Variants in PCSK6 observed in about 807,000 individuals in gnomAD.
PCSK6 encodes proprotein convertase subtilisin/kexin type 6.
In PCSK6, 85 loss-of-function variants were observed where a neutral mutation model predicts 123.3. That is an observed-to-expected ratio of 0.69 (90% CI 0.58 to 0.83). The LOEUF is 0.83. PCSK6 is among the 40% of genes least tolerant of loss of function. The pLI is 0.00. For missense variants in PCSK6, 1,191 were observed against 1,282.3 expected (o/e 0.93, Z 1.09); for synonymous variants, 508 against 516.0 (o/e 0.98, Z 0.21).
chr15:101,487,861 G>A (rs2058054984), intron 1 of PCSK6, among the ~76,000 whole-genome samples: 1 of 152,144 alleles, frequency 6.6e-6, no homozygotes, highest in South Asian at 2.1e-4. Context: ...GATGTTTGGA[G>A]GGCCTTGAGT....
In PCSK6 at chr15:101,328,090, G is replaced by A. The variant is rs913827913; in HGVS notation, c.2078-1611C>T. ...ACAGCCTCCAAAATCCTCATTTCTC[G>A]CACCATTGCTTTAAATTACCCATTG... is the stretch of plus-strand genomic sequence containing the variant. On this transcript the variant is annotated intron_variant, in intron 15 of 21. Coordinates refer to ENST00000611716, the MANE Select transcript of PCSK6 (RefSeq NM_002570.5). Among the ~76,000 whole-genome samples the A allele has an allele frequency of 5.3e-5, 8 of 152,112 alleles. No homozygotes were observed. In the South Asian group the frequency reaches 6.2e-4, roughly 12 times the overall value.
intron 1 of PCSK6, among the ~76,000 whole-genome samples, chr15:101,486,274 C>A (rs973142357): frequency 6.6e-6 from 1 of 152,106 alleles, no homozygotes; most frequent in Non-Finnish European, 1.5e-5. Context: ...TTTTCTCAGT[C>A]CTTCTTCTAA....
At chr15:101,402,374 T>G (rs1399530524) in intron 6 of PCSK6, among the ~76,000 whole-genome samples, 1 of 150,388 alleles carries the variant, frequency 6.6e-6, no homozygotes, top group Admixed American at 6.6e-5. Context: ...GGACTTCATG[T>G]CTAAAACACC....
chr15:101,466,408 A>G (rs6598480), intron 1 of PCSK6, among the ~76,000 whole-genome samples: 19,085 of 152,202 alleles, frequency 0.13, 1,921 homozygotes, highest in African/African-American at 0.27. Flanking sequence ...ATGGCTGGTG[A>G]GACCGTGAAG....
chr15:101,370,400 G>A lies in PCSK6; in HGVS notation c.1656C>T (p.Arg552=). The A allele has an allele frequency of 6.4e-7, 1 of 1,553,122 alleles. No individual in the cohort carries two copies. The highest frequency in any genetic ancestry group is 8.7e-7 in the Non-Finnish European group (1 of 1,147,810). The change falls in exon 12 of 22, where the codon CGC becomes CGT. Residue 552 remains arginine, a synonymous_variant. Coordinates refer to ENST00000611716, the MANE Select transcript of PCSK6 (RefSeq NM_002570.5). ...CCAGGTAGATCTGGAGGTCTCCTCG[G>A]CGTGGGTGTGAGATGGAGGTGCGAA... The part of the protein sequence containing the change: ...VVVRTSISHP[R]RGDLQIYLVS...
At chr15:101,468,655 T>A (rs565613734) in intron 1 of PCSK6, among the ~76,000 whole-genome samples, 1 of 152,300 alleles carries the variant, frequency 6.6e-6, no homozygotes, top group South Asian at 2.1e-4. Flanking sequence ...AAAATGTCCA[T>A]GAAGGAGACA....
At chr15:101,331,084 G>A (rs1774868519) in intron 15 of PCSK6, among the ~76,000 whole-genome samples, 1 of 152,218 alleles carries the variant, frequency 6.6e-6, no homozygotes, top group Non-Finnish European at 1.5e-5. Flanking sequence ...AGGGCTCAGA[G>A]GGAGAAGAAC....
At chr15:101,328,363 A>G (rs977101223) in intron 15 of PCSK6, among the ~76,000 whole-genome samples, 2 of 152,192 alleles carry the variant, frequency 1.3e-5, no homozygotes, top group Admixed American at 6.5e-5. Flanking sequence ...CTAGACACGG[A>G]ATGGGAGACG....
chr15:101,335,604 C>T (rs1466359940), intron 13 of PCSK6, among the ~76,000 whole-genome samples: 1 of 152,222 alleles, frequency 6.6e-6, no homozygotes, highest in African/African-American at 2.4e-5. Flanking sequence ...CACCTGCTAG[C>T]ACTTTCTGCA....
intron 6 of PCSK6, among the ~76,000 whole-genome samples, chr15:101,400,370 G>A (rs1410421099): frequency 6.6e-6 from 1 of 152,160 alleles, no homozygotes; most frequent in Non-Finnish European, 1.5e-5. Context: ...GCTTCCTTCT[G>A]GGGTTCACCT....
intron 11 of PCSK6, among the ~76,000 whole-genome samples, chr15:101,375,533 A>G (rs2141482251): frequency 6.6e-6 from 1 of 152,306 alleles, no homozygotes; most frequent in East Asian, 1.9e-4. Flanking sequence ...TATACAGTCA[A>G]TCCTCATTAT....
At position 101,407,290 on chromosome 15, in the gene PCSK6, T is replaced by G. The variant is rs181775979; in HGVS notation, c.824-8714A>C. Among the ~76,000 whole-genome samples, 34 of 152,350 alleles carry G rather than the reference T, an allele frequency of 2.2e-4. No individual in the cohort carries two copies. In the East Asian group the frequency reaches 6.0e-3, roughly 27 times the overall value. ...GCAGTTGAGAAGATTAATGAAAAGC[T>G]AAGTTGAGGCCCTGGCCCTGGTACT... On this transcript the variant is annotated intron_variant, in intron 6 of 21. Coordinates refer to ENST00000611716, the MANE Select transcript of PCSK6 (RefSeq NM_002570.5).
intron 1 of PCSK6, among the ~76,000 whole-genome samples, chr15:101,486,023 G>GT (rs2058014108): frequency 6.8e-6 from 1 of 147,578 alleles, no homozygotes; most frequent in African/African-American, 2.5e-5. Context: ...GAGTGCAATG[G>GT]TGCGGTCTCG....
chr15:101,434,706 C>T (rs1234153950), intron 2 of PCSK6, among the ~76,000 whole-genome samples: 1 of 152,204 alleles, frequency 6.6e-6, no homozygotes, highest in Non-Finnish European at 1.5e-5. Flanking sequence ...GCCAATGGAA[C>T]CGAACACTGT....
At chr15:101,316,383 T>A (rs1443183941) in intron 19 of PCSK6, 2 of 152,220 alleles carry the variant, frequency 1.3e-5, no homozygotes, top group Non-Finnish European at 2.9e-5. Flanking sequence ...CAAGGGACTC[T>A]ATAAAGCTTT....
intron 1 of PCSK6, among the ~76,000 whole-genome samples, chr15:101,458,805 C>T (rs1055607632): frequency 1.3e-5 from 2 of 152,214 alleles, no homozygotes; most frequent in African/African-American, 4.8e-5. Flanking sequence ...TCTCTAACCT[C>T]TTTCTTGAAT....
intron 6 of PCSK6, among the ~76,000 whole-genome samples, chr15:101,408,333 T>C (rs562580025): frequency 6.6e-6 from 1 of 152,376 alleles, no homozygotes; most frequent in East Asian, 1.9e-4. Context: ...TCTCTGCTTC[T>C]TTCTTATGTA....
intron 1 of PCSK6, among the ~76,000 whole-genome samples, chr15:101,480,316 C>T (rs1360573005): frequency 6.6e-6 from 1 of 152,274 alleles, no homozygotes; most frequent in Non-Finnish European, 1.5e-5. Flanking sequence ...GTAAATGGGT[C>T]CATGTGCGGC....
intron 13 of PCSK6, among the ~76,000 whole-genome samples, chr15:101,348,252 G>A (rs956734462): frequency 2.6e-5 from 4 of 152,246 alleles, no homozygotes; most frequent in African/African-American, 9.6e-5. Context: ...CGTGGGGGAG[G>A]CTGGGGGAGC....
Sources: allele counts gnomAD v4.1 joint callset (sites outside exome capture counted in the v4.1 genomes callset), GRCh38; gene constraint gnomAD v4.1.1; transcripts MANE v1.5; gene names NCBI Gene and HGNC (gene_info 2026-07-23, HGNC 2026-07-21).